KALRN: variants seen among roughly 807,000 people sequenced by gnomAD.
The protein encoded by KALRN is kalirin.
A neutral mutation model predicts 353.7 loss-of-function variants in KALRN; 70 were observed. The ratio of observed to expected loss-of-function variants is 0.20; its 90% CI spans 0.16 to 0.24. The LOEUF (loss-of-function observed/expected upper bound fraction) is 0.24. Among genes scored for constraint, KALRN ranks in the 10% least tolerant of loss-of-function variants. The pLI, the probability that KALRN is intolerant of heterozygous loss-of-function variation, is 1.00. For missense variants in KALRN, 2,791 were observed against 3,756.7 expected (o/e 0.74, Z 6.72); for synonymous variants, 1,391 against 1,434.8 (o/e 0.97, Z 0.69).
intron 33 of KALRN, among the ~76,000 whole-genome samples, chr3:124,543,491 C>T (rs1021368185): frequency 1.3e-5 from 2 of 151,864 alleles, no homozygotes; most frequent in Non-Finnish European, 1.5e-5. Context: ...TTAGTAGAGA[C>T]GGGGTTTCAC....
chr3:124,604,142 G>A (rs868219697), intron 34 of KALRN, among the ~76,000 whole-genome samples: 2 of 136,664 alleles, frequency 1.5e-5, no homozygotes, highest in East Asian at 2.2e-4. Context: ...CTGCTTTCAC[G>A]TTTTTTTTTT....
At chr3:124,697,774 T>A in intron 55 of KALRN, 50 bp downstream of exon 55, 1 of 1,436,038 alleles carries the variant, frequency 7.0e-7, no homozygotes, top group Non-Finnish European at 9.3e-7. Flanking sequence ...TTAAAACATT[T>A]ATTTTTAAAA....
At chr3:124,454,934 A>G (rs1423962496) in intron 21 of KALRN, among the ~76,000 whole-genome samples, 1 of 152,162 alleles carries the variant, frequency 6.6e-6, no homozygotes, top group Non-Finnish European at 1.5e-5. Flanking sequence ...AGTTCCCCCC[A>G]CCCCAGCACT....
At chr3:124,400,309 T>C (rs1384756537) in intron 13 of KALRN, among the ~76,000 whole-genome samples, 5 of 152,172 alleles carry the variant, frequency 3.3e-5, no homozygotes, top group African/African-American at 1.2e-4. Flanking sequence ...TTCTATCCCC[T>C]ACTCTCTTAC....
chr3:124,441,806 A>C, intron 18 of KALRN, 139 bp from the exon 19 acceptor site: 1 of 496,928 alleles, frequency 2.0e-6, no homozygotes. Context: ...AGCCTAGGCA[A>C]CAGAGTGAGA....
At chr3:124,421,396 AAGG>A (rs1352577634) in intron 14 of KALRN, among the ~76,000 whole-genome samples, 2 of 152,220 alleles carry the variant, frequency 1.3e-5, no homozygotes, top group Non-Finnish European at 2.9e-5. Flanking sequence ...CCACAGGACT[AAGG>A]AGCAGTGGTC....
At chr3:124,397,765 C>A (rs1197838255) in intron 12 of KALRN, among the ~76,000 whole-genome samples, 1 of 152,142 alleles carries the variant, frequency 6.6e-6, no homozygotes, top group Non-Finnish European at 1.5e-5. Context: ...GAGGCTGCAC[C>A]CCCTCCTATT....
chr3:124,190,009 A>G (rs1169897658), intron 1 of KALRN, among the ~76,000 whole-genome samples: 2 of 152,038 alleles, frequency 1.3e-5, no homozygotes. Flanking sequence ...TTCACAGTTC[A>G]CAAAGTACTT....
chr3:124,086,240 G>T (rs894947998), intron 1 of KALRN, among the ~76,000 whole-genome samples: 36 of 151,134 alleles, frequency 2.4e-4, no homozygotes, highest in African/African-American at 8.3e-4. Flanking sequence ...TAGAAATGTT[G>T]ATTGTACTGC....
At chr3:124,292,842 C>A (rs2076538649) in intron 5 of KALRN, among the ~76,000 whole-genome samples, 1 of 152,178 alleles carries the variant, frequency 6.6e-6, no homozygotes, top group Non-Finnish European at 1.5e-5. Flanking sequence ...TAGCACTTAA[C>A]AAAGCATTTT....
intron 1 of KALRN, among the ~76,000 whole-genome samples, chr3:124,142,375 C>A (rs1447955099): frequency 6.6e-6 from 1 of 152,188 alleles, no homozygotes; most frequent in Non-Finnish European, 1.5e-5. Context: ...CTGTCTCTAT[C>A]CCCACAGCAT....
At chr3:124,350,343 T>C (rs1205943199) in intron 10 of KALRN, among the ~76,000 whole-genome samples, 1 of 152,208 alleles carries the variant, frequency 6.6e-6, no homozygotes, top group Non-Finnish European at 1.5e-5. Flanking sequence ...TGAGAGCTTA[T>C]GTTTCCATTA....
chr3:124,065,352 G>A (rs187243240), intron 1 of KALRN, among the ~76,000 whole-genome samples: 1 of 152,110 alleles, frequency 6.6e-6, no homozygotes, highest in East Asian at 1.9e-4. Context: ...ATGAAGTTAG[G>A]GAAATTTGAA....
At chr3:124,049,654 G>A (rs2040846556) in intron 1 of KALRN, among the ~76,000 whole-genome samples, 1 of 152,136 alleles carries the variant, frequency 6.6e-6, no homozygotes, top group South Asian at 2.1e-4. Flanking sequence ...TTCATGTCTG[G>A]TAGGAAATTG....
chr3:124,559,778 G>T (rs768357976), intron 33 of KALRN, among the ~76,000 whole-genome samples: 6 of 152,172 alleles, frequency 3.9e-5, no homozygotes, highest in Non-Finnish European at 4.4e-5. Flanking sequence ...ACCCTCCCTT[G>T]TTGGCCATTC....
In KALRN at chr3:124,166,082, A is replaced by G. The variant is rs77587955; in HGVS notation, c.74-61908A>G. On this transcript the variant is annotated intron_variant, in intron 1 of 59. Coordinates refer to ENST00000682506, the MANE Select transcript of KALRN (RefSeq NM_001388419.1). Reference sequence around the variant, plus strand: ...GCATTCAGGCCCTCCCTCAAATGCCATCTCCTCAAAGTGGCCTTTCTTAAC... The same window carrying G: ...GCATTCAGGCCCTCCCTCAAATGCCGTCTCCTCAAAGTGGCCTTTCTTAAC... Among the ~76,000 whole-genome samples the G allele has an allele frequency of 2.9e-3, 434 of 152,144 alleles. 10 individuals carry two copies. In the East Asian group the frequency reaches 0.069, roughly 24 times the overall value.
chr3:124,220,477 C>T (rs1180855645), intron 1 of KALRN, among the ~76,000 whole-genome samples: 1 of 152,026 alleles, frequency 6.6e-6, no homozygotes, highest in Non-Finnish European at 1.5e-5. Context: ...TTTTCTCCCA[C>T]TCTTGCCACC....
intron 1 of KALRN, among the ~76,000 whole-genome samples, chr3:124,039,250 C>G (rs1029245871): frequency 6.6e-6 from 1 of 152,210 alleles, no homozygotes; most frequent in African/African-American, 2.4e-5. Flanking sequence ...CCAACACAGT[C>G]TTTAAGACTT....
chr3:124,637,342 A>C, intron 37 of KALRN, 39 bp downstream of exon 37: 38 of 1,385,980 alleles, frequency 2.7e-5, no homozygotes, highest in Non-Finnish European at 3.8e-5. Flanking sequence ...TGTGTGTCTC[A>C]CCTTCACACT....
Sources: gnomAD v4.1 joint callset for allele counts (sites outside exome capture counted in the v4.1 genomes callset) on GRCh38, gnomAD v4.1.1 for gene constraint, MANE v1.5 for transcripts, NCBI Gene and HGNC (gene_info 2026-07-23, HGNC 2026-07-21) for gene names.